The following DDX18 variants were observed in gnomAD, a reference collection of about 807,000 sequenced individuals.
The protein encoded by DDX18 is ATP-dependent RNA helicase DDX18.
DDX18 carries 23 observed loss-of-function variants against 73.5 expected under a neutral mutation model. The observed-to-expected ratio is 0.31, with a 90% CI of 0.23 to 0.44. The LOEUF (loss-of-function observed/expected upper bound fraction) is 0.44. Ranked by LOEUF, DDX18 falls within the 20% of genes least tolerant of loss-of-function variation. DDX18 has a pLI of 1.00. For missense variants in DDX18, 753 were observed against 792.9 expected (o/e 0.95, Z 0.60); for synonymous variants, 268 against 282.7 (o/e 0.95, Z 0.52).
intron 2 of DDX18, among the ~76,000 whole-genome samples, chr2:117,818,869 C>A (rs1296181286): frequency 6.6e-6 from 1 of 152,062 alleles, no homozygotes; most frequent in African/African-American, 2.4e-5. Flanking sequence ...ACAAAATAAG[C>A]CATGGAGACC....
At chr2:117,819,825 C>A (rs368855632) in intron 3 of DDX18, 33 bp downstream of exon 3, 2 of 1,526,592 alleles carry the variant, frequency 1.3e-6, no homozygotes, top group African/African-American at 1.4e-5. Flanking sequence ...GAGGTAACTT[C>A]TTTAAAATGT....
chr2:117,829,303 T>C lies in DDX18; in HGVS notation c.1707T>C (p.Ile569=). ...TTCTATTTCAGCTTGAGAAATTGAT[T>C]GAAAAGAATTACTTTCTTCATAAGT... ...SDIQSQLEKL[I]EKNYFLHKSA... Residue 569 remains isoleucine (I), a synonymous_variant, in exon 13 of 14, where the codon ATT becomes ATC. Transcript: ENST00000263239. 1 of 1,589,198 alleles carries C rather than the reference T, an allele frequency of 6.3e-7. No individual in the cohort carries two copies. Among genetic ancestry groups the C allele is most frequent in the Admixed American group, 1.9e-5 (1 of 53,902 alleles).
At chr2:117,816,280 C>A (rs1314685516) in intron 1 of DDX18, among the ~76,000 whole-genome samples, 1 of 152,206 alleles carries the variant, frequency 6.6e-6, no homozygotes, top group African/African-American at 2.4e-5. Flanking sequence ...CCTTAGCCTG[C>A]TGTAACTTTT....
intron 1 of DDX18, chr2:117,815,592 A>G (rs1406453736): frequency 1.3e-5 from 2 of 152,218 alleles, no homozygotes; most frequent in African/African-American, 4.8e-5. Flanking sequence ...TTGGTTTTCA[A>G]CAGACATTAA....
intron 13 of DDX18, 129 bp downstream of exon 13, chr2:117,829,595 C>A: frequency 2.3e-6 from 2 of 881,034 alleles, no homozygotes; most frequent in Admixed American, 2.5e-5. Flanking sequence ...TCACCCTGGT[C>A]GATGTCTGCT....
At position 117,828,244 on chromosome 2, in the gene DDX18, A is replaced by C. The variant is rs1375390979; in HGVS notation, c.1636-705A>C. 2.0e-5 allele frequency: 3 copies of C among 152,164 alleles called. No individual in the cohort carries two copies. The East Asian group carries it at 5.8e-4, about 29-fold the overall frequency. 9.4% of individuals were successfully genotyped at this position (152,164 alleles called of 1,614,324 possible). A position where few individuals can be genotyped will look rare whatever the true frequency, so the allele number is the denominator to read the frequency against. Reference sequence around the variant, plus strand: ...ATATTAGTCCTAGCCAAAATTGACAAATGGGATCTAATTAAAGAGCTTCTG... The same window carrying C: ...ATATTAGTCCTAGCCAAAATTGACACATGGGATCTAATTAAAGAGCTTCTG... On this transcript the variant is annotated intron_variant, in intron 11 of 13. Coordinates refer to ENST00000263239, the MANE Select transcript of DDX18 (RefSeq NM_006773.4).
chr2:117,832,133 T>C lies in DDX18; in HGVS notation c.*1409T>C, dbSNP rs748815701. The stretch of plus-strand genomic sequence containing the variant: ...TGGTGTTTAATAATTCTCTCCACGA[T>C]CATGTTTTTCTGATTTTTTTTTTCA... On this transcript the variant is annotated 3_prime_UTR_variant, in exon 14 of 14. Coordinates refer to ENST00000263239, the MANE Select transcript of DDX18 (RefSeq NM_006773.4). 7 of 152,148 alleles carry C rather than the reference T, an allele frequency of 4.6e-5. No homozygotes were observed. Among genetic ancestry groups the C allele is most frequent in the Non-Finnish European group, 1.0e-4 (7 of 68,022 alleles). The allele number at this position is 152,148 out of a possible 1,614,324, so 9.4% of individuals were successfully genotyped here.
chr2:117,820,885 T>C (rs1225555898), intron 3 of DDX18, among the ~76,000 whole-genome samples: 14 of 152,218 alleles, frequency 9.2e-5, no homozygotes, highest in Non-Finnish European at 1.8e-4. Flanking sequence ...CTTGTTTTGG[T>C]ATTTTTATTT....
Position 117,828,938 on chromosome 2 carries a change from T to A in DDX18, c.1636-11T>A. 1 of 1,585,298 alleles carries A rather than the reference T, an allele frequency of 6.3e-7. No homozygotes were observed. The highest frequency in any genetic ancestry group is 1.7e-4 in the Middle Eastern group (1 of 6,014). ...TCCTGGTTTACTAATCTTAATACTT[T>A]TGATTTCTAGGTTCCATTAAGTGAA... On this transcript the variant is annotated splice_polypyrimidine_tract_variant and intron_variant, in intron 11 of 13. Coordinates refer to ENST00000263239, the MANE Select transcript of DDX18 (RefSeq NM_006773.4).
chr2:117,816,981 C>G (rs970715415), intron 1 of DDX18, among the ~76,000 whole-genome samples: 2 of 152,174 alleles, frequency 1.3e-5, no homozygotes, highest in Admixed American at 1.3e-4. Context: ...ACTGAATTTT[C>G]AACTCACTGC....
rs769340493 is a variant in DDX18, at chr2:117,822,015, T to A, written c.905T>A (p.Ile302Asn). Residue 302 changes from isoleucine (I) to asparagine (N), a missense_variant, in exon 6 of 14, where the codon ATC becomes AAC. By Grantham distance (149) the Ile-to-Asn change is moderately radical (BLOSUM62 -3). Coordinates refer to ENST00000263239, the MANE Select transcript of DDX18 (RefSeq NM_006773.4). ...SAEAQKLGNG[I>N]NIIVATPGRL... ...GAAGCACAGAAACTTGGTAATGGGA[T>A]CAACATCATTGTGGCCACACCAGGC... is the stretch of plus-strand genomic sequence containing the variant. 1 of 1,614,042 alleles carries A rather than the reference T, an allele frequency of 6.2e-7. No homozygotes were observed. Among genetic ancestry groups the A allele is most frequent in the Non-Finnish European group, 8.5e-7 (1 of 1,179,950 alleles).
chr2:117,820,253 A>G (rs953842096), intron 3 of DDX18, among the ~76,000 whole-genome samples: 2 of 152,220 alleles, frequency 1.3e-5, no homozygotes, highest in African/African-American at 2.4e-5. Flanking sequence ...TAAAATGTTG[A>G]GGCCCAACCC....
Sources: allele counts gnomAD v4.1 joint callset (sites outside exome capture counted in the v4.1 genomes callset), GRCh38; gene constraint gnomAD v4.1.1; transcripts MANE v1.5; gene names NCBI Gene and HGNC (gene_info 2026-07-23, HGNC 2026-07-21).